Variants in THADA observed in about 807,000 individuals in gnomAD.
THADA encodes the protein tRNA (32-2'-O)-methyltransferase regulator THADA.
A neutral mutation model predicts 219.8 loss-of-function variants in THADA; 213 were observed. The ratio of observed to expected loss-of-function variants is 0.97; its 90% confidence interval spans 0.87 to 1.09. The LOEUF (loss-of-function observed/expected upper bound fraction) is 1.09, where lower values mean the gene tolerates loss of function less well. THADA is among the 50% of genes least tolerant of loss of function. THADA has a pLI of 0.00. For missense variants in THADA, 2,956 were observed against 2,311.3 expected (o/e 1.28, Z -5.72); for synonymous variants, 1,018 against 828.9 (o/e 1.23, Z -3.92).
intron 29 of THADA, 31 bp from the exon 30 acceptor site, chr2:43,344,268 G>A (rs1346597156): frequency 1.3e-6 from 2 of 1,481,576 alleles, no homozygotes; most frequent in African/African-American, 1.4e-5. Context: ...AAATCCTGCT[G>A]TGAAAATATA....
At chr2:43,556,292 T>A (rs780508936) in intron 17 of THADA, 53 bp downstream of exon 17, 13 of 1,593,206 alleles carry the variant, frequency 8.2e-6, no homozygotes, top group Non-Finnish European at 1.1e-5. Flanking sequence ...TCTAACCAAA[T>A]GAATACTGAG....
At chr2:43,258,658 G>A (rs1234947732) in intron 36 of THADA, among the ~76,000 whole-genome samples, 3 of 152,118 alleles carry the variant, frequency 2.0e-5, no homozygotes, top group Admixed American at 6.5e-5. Context: ...TTCTTTGGAC[G>A]ACCTCAATGA....
chr2:43,240,742 G>T (rs935487533), intron 36 of THADA, among the ~76,000 whole-genome samples: 2 of 152,226 alleles, frequency 1.3e-5, no homozygotes, highest in African/African-American at 4.8e-5. Flanking sequence ...GGAATGGAAG[G>T]GGATCATCTC....
intron 29 of THADA, among the ~76,000 whole-genome samples, chr2:43,374,855 C>T (rs1222393584): frequency 6.6e-6 from 1 of 152,008 alleles, no homozygotes; most frequent in African/African-American, 2.4e-5. Context: ...AATTAGTCTA[C>T]ACCAAATTGT....
chr2:43,496,020 G>A (rs144285510), intron 25 of THADA, among the ~76,000 whole-genome samples: 2,373 of 152,252 alleles, frequency 0.016, 29 homozygotes, highest in Middle Eastern at 0.027. Flanking sequence ...TTCACAATGG[G>A]AGTCTGTGCC....
chr2:43,325,251 T>C (rs1679188621), intron 30 of THADA, among the ~76,000 whole-genome samples: 1 of 151,574 alleles, frequency 6.6e-6, no homozygotes, highest in South Asian at 2.1e-4. Context: ...AAGTCTGTGA[T>C]AAATTATTCA....
chr2:43,476,034 C>A (rs1685492232), intron 26 of THADA, among the ~76,000 whole-genome samples: 2 of 152,288 alleles, frequency 1.3e-5, no homozygotes, highest in Non-Finnish European at 2.9e-5. Flanking sequence ...TGGGTATTCA[C>A]CCTTCTGAGT....
At chr2:43,593,630 C>CTTTTT (rs764094980) in intron 1 of THADA, among the ~76,000 whole-genome samples, 3 of 127,662 alleles carry the variant, frequency 2.3e-5, no homozygotes, top group African/African-American at 9.4e-5. Context: ...CTACTACAGA[C>CTTTTT]TTTTTTTTTT....
intron 36 of THADA, among the ~76,000 whole-genome samples, chr2:43,251,370 G>A (rs1028844174): frequency 6.6e-6 from 1 of 152,178 alleles, no homozygotes; most frequent in Admixed American, 6.5e-5. Context: ...ACATCATGTG[G>A]AAAAAATGTC....
At chr2:43,329,534 A>C (rs923058772) in intron 30 of THADA, among the ~76,000 whole-genome samples, 13 of 152,244 alleles carry the variant, frequency 8.5e-5, no homozygotes, top group African/African-American at 3.1e-4. Context: ...ATTATATTAA[A>C]AGTTTTCTCT....
chr2:43,509,830 T>C (rs1388387), intron 22 of THADA, among the ~76,000 whole-genome samples: 21,339 of 152,140 alleles, frequency 0.14, 1,998 homozygotes, highest in African/African-American at 0.26. Context: ...GTCATAAAAG[T>C]TACAATTACA....
intron 36 of THADA, among the ~76,000 whole-genome samples, chr2:43,277,633 TTG>T (rs141792983): frequency 0.036 from 5,426 of 152,332 alleles, 166 homozygotes; most frequent in South Asian, 0.17. Flanking sequence ...AGCTCTTGTG[TTG>T]TATTTCTTTC....
At chr2:43,506,505 A>C (rs1036681282) in intron 23 of THADA, among the ~76,000 whole-genome samples, 2 of 152,224 alleles carry the variant, frequency 1.3e-5, no homozygotes, top group African/African-American at 4.8e-5. Context: ...TTCCATATAT[A>C]TGAAATGTCC....
rs142632907 is a variant in THADA, at chr2:43,394,630, G to A, written c.4227+3341C>T. Among the ~76,000 whole-genome samples, 32 of 152,270 alleles carry A rather than the reference G, an allele frequency of 2.1e-4. 3 individuals are homozygous for A. In the East Asian group the frequency reaches 5.8e-3, roughly 28 times the overall value. On this transcript the variant is annotated intron_variant, in intron 29 of 37. Transcript: ENST00000405975. ...TTATGTGGAGAGGAATCTATAAGCT[G>A]TAGAAAGGAAAAAGAAAGAGCCCTT...
chr2:43,285,327 C>T (rs1354003219), intron 35 of THADA, among the ~76,000 whole-genome samples: 1 of 152,130 alleles, frequency 6.6e-6, no homozygotes, highest in Non-Finnish European at 1.5e-5. Flanking sequence ...GCAGATTTCC[C>T]CCTTGCTATT....
intron 35 of THADA, among the ~76,000 whole-genome samples, chr2:43,282,929 T>C (rs1401192459): frequency 6.6e-6 from 1 of 152,180 alleles, no homozygotes; most frequent in East Asian, 1.9e-4. Flanking sequence ...TTTCAAAATA[T>C]CTCCACCTTT....
intron 28 of THADA, among the ~76,000 whole-genome samples, chr2:43,399,035 CACAA>C (rs764179083): frequency 2.6e-5 from 4 of 152,292 alleles, no homozygotes; most frequent in Admixed American, 6.5e-5. Context: ...CTCTCAACTT[CACAA>C]ACAATCAGAA....
At chr2:43,514,692 A>AAT (rs1223360327) in intron 22 of THADA, among the ~76,000 whole-genome samples, 6 of 71,212 alleles carry the variant, frequency 8.4e-5, no homozygotes, top group Non-Finnish European at 1.5e-4. Context: ...TATTATATAT[A>AAT]ATATATATAA....
At chr2:43,593,700 C>A (rs1314022948) in intron 1 of THADA, among the ~76,000 whole-genome samples, 1 of 144,358 alleles carries the variant, frequency 6.9e-6, no homozygotes, top group East Asian at 2.1e-4. Context: ...GTGGCGCGAT[C>A]TGCGCTCACT....
Sources: gnomAD v4.1 joint callset for allele counts (sites outside exome capture counted in the v4.1 genomes callset) on GRCh38, gnomAD v4.1.1 for gene constraint, MANE v1.5 for transcripts, NCBI Gene and HGNC (gene_info 2026-07-23, HGNC 2026-07-21) for gene names.